Variants in C14orf39 observed in about 807,000 individuals in gnomAD.
C14orf39 encodes the protein protein SIX6OS1.
A neutral mutation model predicts 85.6 loss-of-function variants in C14orf39; 66 were observed. The ratio of observed to expected loss-of-function variants is 0.77; its 90% CI spans 0.63 to 0.95. The LOEUF is 0.95. Ranked by LOEUF, C14orf39 falls within the 40% of genes least tolerant of loss-of-function variation. The pLI is 0.00. For missense variants in C14orf39, 735 were observed against 663.9 expected, an observed-to-expected ratio of 1.11 and a Z score of -1.18; for synonymous variants, 242 against 214.0, an observed-to-expected ratio of 1.13 and a Z score of -1.14.
At chr14:60,467,127 A>G in intron 9 of C14orf39, 83 bp from the exon 10 acceptor site, 1 of 633,640 alleles carries the variant, frequency 1.6e-6, no homozygotes, top group South Asian at 5.7e-5. Flanking sequence ...TTTAGATACT[A>G]TATAATAAAA....
In C14orf39 at chr14:60,484,070, T is replaced by C. The variant is rs1475951172; in HGVS notation, c.107-253A>G. 2.6e-5 allele frequency among the ~76,000 whole-genome samples: 4 copies of C among 152,208 alleles called. No homozygotes were observed. Among genetic ancestry groups the C allele is most frequent in the Non-Finnish European group, 4.4e-5 (3 of 68,036 alleles). Reference sequence around the variant, plus strand: ...AAAAATAAATGTCCCTTGTACCTCATCTTTAACATAAAAGGGCTAGATTCA... The same window carrying C: ...AAAAATAAATGTCCCTTGTACCTCACCTTTAACATAAAAGGGCTAGATTCA... On this transcript the variant is annotated intron_variant, in intron 3 of 17. Coordinates refer to ENST00000321731, the MANE Select transcript of C14orf39 (RefSeq NM_174978.3). This position sits in a 1 kb window ranked among gnomAD's most constrained non-coding sequence, Gnocchi z 4.2.
At chr14:60,505,824 C>CT (rs1893195776) in intron 1 of C14orf39, among the ~76,000 whole-genome samples, 1 of 152,214 alleles carries the variant, frequency 6.6e-6, no homozygotes, top group Non-Finnish European at 1.5e-5. Context: ...AAGCACTGCT[C>CT]TCCTCTGGCA....
chr14:60,466,467 G>A (rs897401858), intron 10 of C14orf39, among the ~76,000 whole-genome samples: 18 of 150,908 alleles, frequency 1.2e-4, no homozygotes, highest in Admixed American at 9.9e-4. Context: ...AAACGCAATG[G>A]CAAAAACCAT....
At chr14:60,499,534 C>G (rs1326877297) in intron 1 of C14orf39, 1 of 152,122 alleles carries the variant, frequency 6.6e-6, no homozygotes, top group Non-Finnish European at 1.5e-5. Flanking sequence ...CATAAGACCA[C>G]AAAATAAATC....
At chr14:60,499,975 G>C (rs1052400675) in intron 1 of C14orf39, among the ~76,000 whole-genome samples, 1 of 152,182 alleles carries the variant, frequency 6.6e-6, no homozygotes, top group Admixed American at 6.5e-5. Flanking sequence ...AGTTGGGAAA[G>C]ATTTATAAGA....
At chr14:60,480,696 G>A (rs1254997330) in intron 4 of C14orf39, among the ~76,000 whole-genome samples, 1 of 152,126 alleles carries the variant, frequency 6.6e-6, no homozygotes, top group Admixed American at 6.6e-5. Context: ...AGGTATGGAA[G>A]CAACCTAAGT....
Position 60,461,514 on chromosome 14 carries a change from TG to T in C14orf39, c.1051del (p.Gln351LysfsTer5). The T allele has an allele frequency of 6.3e-7, 1 of 1,591,068 alleles. No individual in the cohort carries two copies. The highest frequency in any genetic ancestry group is 1.2e-5 in the South Asian group (1 of 86,222). On this transcript the variant is annotated frameshift_variant, in exon 12 of 18. Transcript: ENST00000321731. LOFTEE classifies it high-confidence loss of function. The part of the protein sequence containing the change: ...TTITSSQKFM[Q>X]VRLLTPQKQS... ...TCTTATTTTAAAAAGTTACCTGACT[TG>T]CATAAACTTTTGTGAACTTGTGATA...
chr14:60,514,156 A>C (rs1005869116), intron 1 of C14orf39, among the ~76,000 whole-genome samples: 1 of 152,120 alleles, frequency 6.6e-6, no homozygotes, highest in East Asian at 1.9e-4. Flanking sequence ...AATCTTTCCA[A>C]TCTTCCCAAG....
intron 2 of C14orf39, among the ~76,000 whole-genome samples, chr14:60,493,407 A>G (rs1282840955): frequency 6.6e-6 from 1 of 152,194 alleles, no homozygotes; most frequent in East Asian, 1.9e-4. Context: ...TTAAGTATAC[A>G]GTACCCTTTC....
At chr14:60,449,043 G>C (rs1343173372) in intron 16 of C14orf39, among the ~76,000 whole-genome samples, 1 of 152,110 alleles carries the variant, frequency 6.6e-6, no homozygotes, top group Non-Finnish European at 1.5e-5. Context: ...TCAGGGAGTA[G>C]GGGGCTGGGG....
chr14:60,486,150 A>C (rs368118731), upstream of C14orf39: 11 of 151,658 alleles, frequency 7.3e-5, no homozygotes, highest in African/African-American at 2.7e-4. Context: ...GCTGAAGAGC[A>C]GCGAGATCGC....
chr14:60,448,097 A>G (rs1240608531), intron 16 of C14orf39, among the ~76,000 whole-genome samples: 2 of 152,244 alleles, frequency 1.3e-5, no homozygotes, highest in African/African-American at 2.4e-5. Context: ...ACCCTAGAAG[A>G]AAACCTAGGC....
Position 60,457,051 on chromosome 14 carries a change from A to T in C14orf39, c.1224T>A (p.Ser408Arg). The T allele has an allele frequency of 6.2e-7, 1 of 1,605,962 alleles. No homozygotes were observed. The highest frequency in any genetic ancestry group is 8.5e-7 in the Non-Finnish European group (1 of 1,176,586). The change falls in exon 15 of 18, where the codon AGT (serine) becomes AGA (arginine). Residue 408 changes from serine to arginine, a missense_variant. Physicochemically the swap from Ser to Arg is moderately radical, Grantham distance 110. Transcript: ENST00000321731. The part of the protein sequence containing the change: ...EHFGKSVEND[S>R]DEVEERAENF... ...TCTCAGCTCTCTCTTCTACTTCATCACTATCATTTTCTACTGACTTCCCAA... is the reference window on the plus strand; with the variant it reads ...TCTCAGCTCTCTCTTCTACTTCATCTCTATCATTTTCTACTGACTTCCCAA...
intron 4 of C14orf39, among the ~76,000 whole-genome samples, chr14:60,479,536 A>G (rs1223906269): frequency 6.6e-6 from 1 of 152,174 alleles, no homozygotes; most frequent in Non-Finnish European, 1.5e-5. Flanking sequence ...CCCTGAATCT[A>G]AAATAAAAAT....
chr14:60,509,851 A>C, intron 1 of C14orf39: 1 of 1,613,956 alleles, frequency 6.2e-7, no homozygotes, highest in Non-Finnish European at 8.5e-7. Context: ...TGCAGGATCC[A>C]TACCCTAACC....
intron 15 of C14orf39, among the ~76,000 whole-genome samples, chr14:60,455,866 G>A (rs1467256618): frequency 6.6e-6 from 1 of 152,040 alleles, no homozygotes; most frequent in Middle Eastern, 3.2e-3. Context: ...TTTGTTGTTT[G>A]TTAAATTTAA....
chr14:60,438,683 G>A (rs1890369483), intron 17 of C14orf39, among the ~76,000 whole-genome samples: 1 of 152,066 alleles, frequency 6.6e-6, no homozygotes, highest in Admixed American at 6.6e-5. Flanking sequence ...GAGATATTCA[G>A]AAAAGAGAGG....
intron 7 of C14orf39, 128 bp from the exon 8 acceptor site, chr14:60,469,781 T>TA (rs1891983116): frequency 2.3e-6 from 1 of 428,300 alleles, no homozygotes; most frequent in African/African-American, 2.1e-5. Context: ...TAAGCAATAT[T>TA]AAAAACAGTA....
intron 8 of C14orf39, 22 bp from the exon 9 acceptor site, chr14:60,468,558 CA>C: frequency 7.2e-7 from 1 of 1,394,328 alleles, no homozygotes; most frequent in East Asian, 2.4e-5. Context: ...ATTGGGAACA[CA>C]AAACAAAATA....
Sources: allele counts gnomAD v4.1 joint callset (sites outside exome capture counted in the v4.1 genomes callset), GRCh38; gene constraint gnomAD v4.1.1; non-coding constraint Gnocchi (gnomAD v3.1); transcripts MANE v1.5; gene names NCBI Gene and HGNC (gene_info 2026-07-23, HGNC 2026-07-21).